TRHDE: variants seen among roughly 807,000 people sequenced by gnomAD.
TRHDE encodes thyrotropin releasing hormone degrading enzyme.
A neutral mutation model predicts 125.7 loss-of-function variants in TRHDE; 72 were observed. The observed-to-expected ratio is 0.57, with a 90% CI of 0.47 to 0.70. The LOEUF is 0.70. TRHDE is among the 30% of genes least tolerant of loss of function. TRHDE has a pLI of 0.00. For missense variants in TRHDE, 1,110 were observed against 1,327.1 expected, an observed-to-expected ratio of 0.84 and a Z score of 2.54; for synonymous variants, 509 against 509.1, an observed-to-expected ratio of 1.00 and a Z score of 0.00.
intron 13 of TRHDE, among the ~76,000 whole-genome samples, chr12:72,619,297 TA>T (rs1200578417): frequency 6.6e-6 from 1 of 152,206 alleles, no homozygotes; most frequent in Non-Finnish European, 1.5e-5. Context: ...GGCAAATTTT[TA>T]AAGTTCAAAC....
At chr12:72,344,265 C>G (rs1214921135) in intron 2 of TRHDE, among the ~76,000 whole-genome samples, 1 of 152,062 alleles carries the variant, frequency 6.6e-6, no homozygotes, top group African/African-American at 2.4e-5. Context: ...ATATTTCTCT[C>G]ATAGAGGTAA....
intron 2 of TRHDE, among the ~76,000 whole-genome samples, chr12:72,218,939 A>AT (rs1035147305): frequency 6.6e-6 from 1 of 152,152 alleles, no homozygotes; most frequent in Admixed American, 6.6e-5. Context: ...TATTCAACCC[A>AT]TTTTAACCCC....
At chr12:72,295,573 A>G (rs1339098827) in intron 2 of TRHDE, among the ~76,000 whole-genome samples, 2 of 152,150 alleles carry the variant, frequency 1.3e-5, no homozygotes, top group African/African-American at 2.4e-5. Flanking sequence ...ACAATTTACA[A>G]TGGTGGTATG....
chr12:72,471,995 C>T (rs1269414031), intron 4 of TRHDE, among the ~76,000 whole-genome samples: 1 of 152,172 alleles, frequency 6.6e-6, no homozygotes, highest in African/African-American at 2.4e-5. Context: ...TTACATCTCC[C>T]TGGAATTCTC....
At chr12:72,603,893 G>A (rs1872319704) in intron 12 of TRHDE, among the ~76,000 whole-genome samples, 1 of 152,126 alleles carries the variant, frequency 6.6e-6, no homozygotes, top group South Asian at 2.1e-4. Flanking sequence ...AACAAGGCAA[G>A]TTAGCTGGAA....
intron 2 of TRHDE, among the ~76,000 whole-genome samples, chr12:72,153,928 T>C (rs1054619155): frequency 9.2e-5 from 14 of 152,218 alleles, no homozygotes; most frequent in Non-Finnish European, 1.9e-4. Context: ...GGTGCAGAGC[T>C]GAGTTCAGTT....
chr12:72,346,010 A>G (rs1870313462), intron 2 of TRHDE, among the ~76,000 whole-genome samples: 3 of 151,828 alleles, frequency 2.0e-5, no homozygotes. Context: ...TTCTATTAAG[A>G]TAAAGAATGT....
intron 12 of TRHDE, among the ~76,000 whole-genome samples, chr12:72,594,497 T>C (rs1016216938): frequency 7.4e-6 from 1 of 135,496 alleles, no homozygotes; most frequent in South Asian, 2.2e-4. Context: ...GGATTACAGA[T>C]GTGAGTTTTT....
In TRHDE at chr12:72,234,911, T is replaced by G. The variant is rs560586719; in HGVS notation, n.279+129159T>G. ...TAAGTCTTTGCAATGCAATAAATAA[T>G]GTACTAAAAGATTTTCTATAGAGCA... On this transcript the variant is annotated intron_variant and non_coding_transcript_variant, in intron 2 of 4. Coordinates refer to the TRHDE transcript ENST00000548156. Among the ~76,000 whole-genome samples, 8 of 152,274 alleles carry G rather than the reference T, an allele frequency of 5.3e-5. No individual in the cohort carries two copies. In the East Asian group the frequency reaches 1.4e-3, roughly 26 times the overall value.
At chr12:72,285,085 T>A (rs908140970) in intron 1 of TRHDE, among the ~76,000 whole-genome samples, 2 of 151,926 alleles carry the variant, frequency 1.3e-5, no homozygotes, top group Admixed American at 1.3e-4. Flanking sequence ...AAAACTAAGC[T>A]TTAAAAAATG....
At chr12:72,563,465 T>C (rs1348696231) in intron 9 of TRHDE, among the ~76,000 whole-genome samples, 1 of 152,146 alleles carries the variant, frequency 6.6e-6, no homozygotes, top group African/African-American at 2.4e-5. Context: ...AATTAAATAA[T>C]GTCTGAGTCA....
At chr12:72,261,380 G>T (rs1194315653) in intron 2 of TRHDE, among the ~76,000 whole-genome samples, 1 of 152,098 alleles carries the variant, frequency 6.6e-6, no homozygotes, top group Non-Finnish European at 1.5e-5. Context: ...ACAAAACCAG[G>T]CAGTCATAAC....
intron 10 of TRHDE, among the ~76,000 whole-genome samples, chr12:72,572,706 GTCTT>G (rs2136024520): frequency 6.6e-6 from 1 of 152,098 alleles, no homozygotes; most frequent in East Asian, 1.9e-4. Flanking sequence ...ATAGAGGCCT[GTCTT>G]TCTTATTCTG....
chr12:72,311,983 G>T (rs147206779), intron 2 of TRHDE, among the ~76,000 whole-genome samples: 1 of 152,130 alleles, frequency 6.6e-6, no homozygotes, highest in Non-Finnish European at 1.5e-5. Context: ...TAGCAAAGAT[G>T]TAGAGAGAAG....
At chr12:72,146,294 C>T (rs948010583) in intron 2 of TRHDE, among the ~76,000 whole-genome samples, 1 of 152,214 alleles carries the variant, frequency 6.6e-6, no homozygotes, top group African/African-American at 2.4e-5. Context: ...TATTAATAAG[C>T]TTGCAGAAAC....
intron 2 of TRHDE, among the ~76,000 whole-genome samples, chr12:72,122,236 A>C (rs1327272946): frequency 6.6e-6 from 1 of 152,168 alleles, no homozygotes; most frequent in Non-Finnish European, 1.5e-5. Flanking sequence ...GCAACAGCTT[A>C]CCCAATTGCA....
intron 2 of TRHDE, among the ~76,000 whole-genome samples, chr12:72,114,040 T>C (rs1875384586): frequency 6.6e-6 from 1 of 152,094 alleles, no homozygotes; most frequent in African/African-American, 2.4e-5. Flanking sequence ...CTTTCTCTGG[T>C]TGGTTTTCTA....
intron 3 of TRHDE, among the ~76,000 whole-genome samples, chr12:72,432,311 G>A (rs769332294): frequency 2.6e-5 from 4 of 152,140 alleles, no homozygotes; most frequent in African/African-American, 4.8e-5. Context: ...CTTTTATTCA[G>A]TGCAGGCACA....
chr12:72,634,635 G>C (rs2061503371), intron 15 of TRHDE, among the ~76,000 whole-genome samples: 2 of 150,714 alleles, frequency 1.3e-5, no homozygotes, highest in South Asian at 4.2e-4. Context: ...ATATCTCCCA[G>C]TGCTATCCCT....
Sources: allele counts gnomAD v4.1 joint callset (sites outside exome capture counted in the v4.1 genomes callset), GRCh38; gene constraint gnomAD v4.1.1; transcripts MANE v1.5; gene names NCBI Gene and HGNC (gene_info 2026-07-23, HGNC 2026-07-21).